ZBTB25: variants seen among roughly 807,000 people sequenced by gnomAD.
ZBTB25 encodes the protein zinc finger and BTB domain-containing protein 25.
ZBTB25 carries 20 observed loss-of-function variants against 34.2 expected under a neutral mutation model. The observed-to-expected ratio is 0.58, with a 90% confidence interval of 0.41 to 0.85. ZBTB25 has a LOEUF of 0.85. Among genes scored for constraint, ZBTB25 ranks in the 40% least tolerant of loss-of-function variants. ZBTB25 has a pLI of 0.00. For synonymous variants in ZBTB25, 175 were observed against 186.4 expected (o/e 0.94, Z 0.50); for missense variants, 437 against 521.8 (o/e 0.84, Z 1.58).
At chr14:64,465,511 T>G (rs1316572150) in intron 2 of ZBTB25, 1 of 151,996 alleles carries the variant, frequency 6.6e-6, no homozygotes, top group Non-Finnish European at 1.5e-5. Flanking sequence ...AGAGGGCGCC[T>G]TGCTCCGGGT....
chr14:64,478,887 T>C lies in ZBTB25; in HGVS notation c.*8036A>G, dbSNP rs2141011714. 6.6e-6 allele frequency: 1 copy of C among 152,300 alleles called. No homozygotes were observed. Among genetic ancestry groups the C allele is most frequent in the East Asian group, 1.9e-4 (1 of 5,190 alleles). The allele number at this position is 152,300 out of a possible 1,614,324, so 9.4% of individuals were successfully genotyped here. The stretch of plus-strand genomic sequence containing the variant: ...GCCACCTTTTGGCCAGATTAAAAAT[T>C]CACAGAAATTATAACCTACAATCTC... On this transcript the variant is annotated 3_prime_UTR_variant, in exon 3 of 3. Transcript: ENST00000608382.
intron 2 of ZBTB25, among the ~76,000 whole-genome samples, chr14:64,453,414 A>T (rs1001363174): frequency 1.3e-5 from 2 of 152,112 alleles, no homozygotes; most frequent in Non-Finnish European, 2.9e-5. Context: ...TCTACTAAAA[A>T]TACAGAATTA....
intron 2 of ZBTB25, among the ~76,000 whole-genome samples, chr14:64,455,912 G>A (rs1488669664): frequency 6.6e-6 from 1 of 152,232 alleles, no homozygotes; most frequent in Non-Finnish European, 1.5e-5. Context: ...GCTCTCTATA[G>A]AGAGCAGAAG....
chr14:64,450,849 A>C (rs953841449), intron 2 of ZBTB25, among the ~76,000 whole-genome samples: 1 of 152,126 alleles, frequency 6.6e-6, no homozygotes, highest in African/African-American at 2.4e-5. Flanking sequence ...GTGGGACCAC[A>C]GACATGTACT....
chr14:64,504,957 G>A, upstream of ZBTB25: 1 of 395,136 alleles, frequency 2.5e-6, no homozygotes, highest in African/African-American at 2.1e-5. Context: ...GTAAGTATTT[G>A]CCAGTTGTGG....
At chr14:64,504,730 C>A (rs2079610186), upstream of ZBTB25, 2 of 373,252 alleles carry the variant, frequency 5.4e-6, no homozygotes, top group Non-Finnish European at 9.5e-6. Context: ...CGGCTCAGTG[C>A]GGTGCGGCAG....
chr14:64,470,620 T>G (rs1040307981), intron 2 of ZBTB25: 3 of 164,140 alleles, frequency 1.8e-5, no homozygotes. Context: ...AGAGAACCAT[T>G]CACAAATCCT....
intron 2 of ZBTB25, chr14:64,468,403 C>T: frequency 6.2e-7 from 1 of 1,600,720 alleles, no homozygotes; most frequent in Non-Finnish European, 8.5e-7. Context: ...AAATGGAAAC[C>T]ACAATTTCAG....
At chr14:64,494,755 T>C (rs1596642278) in intron 1 of ZBTB25, among the ~76,000 whole-genome samples, 1 of 152,216 alleles carries the variant, frequency 6.6e-6, no homozygotes, top group Non-Finnish European at 1.5e-5. Flanking sequence ...CCTTTACATA[T>C]GAAAGAAACC....
In ZBTB25 at chr14:64,481,193, G is replaced by A. The variant is rs1220765963; in HGVS notation, c.*5730C>T. 6.6e-6 allele frequency: 1 copy of A among 152,370 alleles called. No individual in the cohort carries two copies. Among genetic ancestry groups the A allele is most frequent in the Non-Finnish European group, 1.5e-5 (1 of 68,230 alleles). 9.4% of individuals were successfully genotyped at this position (152,370 alleles called of 1,614,324 possible). A position where few individuals can be genotyped will look rare whatever the true frequency, so the allele number is the denominator to read the frequency against. ...GATCCGCCCACCTCGACCTCCCAAA[G>A]TGCTGGGATTACAGGCGTGAGCCAC... is the stretch of plus-strand genomic sequence containing the variant. On this transcript the variant is annotated 3_prime_UTR_variant, in exon 3 of 3. Coordinates refer to ENST00000608382, the MANE Select transcript of ZBTB25 (RefSeq NM_006977.5).
chr14:64,476,014 T>C (rs773139215), downstream of ZBTB25, among the ~76,000 whole-genome samples: 1 of 152,174 alleles, frequency 6.6e-6, no homozygotes, highest in Non-Finnish European at 1.5e-5. Flanking sequence ...GGCCTTCCAT[T>C]TCTGCACTCC....
intron 2 of ZBTB25, chr14:64,469,829 T>G: frequency 1.7e-6 from 1 of 597,046 alleles, no homozygotes; most frequent in Non-Finnish European, 2.8e-6. Flanking sequence ...AAAGATTAAG[T>G]CAAGTTTATA....
chr14:64,468,075 C>T, intron 2 of ZBTB25: 1 of 171,354 alleles, frequency 5.8e-6, no homozygotes, highest in Non-Finnish European at 1.2e-5. Flanking sequence ...AAATAGTCTC[C>T]ACAGAAAATA....
chr14:64,503,629 G>A (rs2079572870), intron 1 of ZBTB25, 32 bp downstream of exon 1: 1 of 985,268 alleles, frequency 1.0e-6, no homozygotes, highest in Non-Finnish European at 1.2e-6. Flanking sequence ...TGAGCCCGGG[G>A]CAGCCCACAG....
At chr14:64,460,204 C>A in intron 2 of ZBTB25, 1 of 358,734 alleles carries the variant, frequency 2.8e-6, no homozygotes, top group African/African-American at 2.0e-5. Context: ...AGGGGACCTC[C>A]TGAGAGGGTT....
At position 64,454,914 on chromosome 14, in the gene ZBTB25, A is replaced by C. The variant is rs370094944; in HGVS notation, c.174-5276T>G. 4 of 1,608,342 alleles carry C rather than the reference A, an allele frequency of 2.5e-6. No individual in the cohort carries two copies. The African/African-American group carries it at 4.0e-5, about 16-fold the overall frequency. Reference sequence around the variant, plus strand: ...GCAAGGGAGTAGTGGGCGCATCTGCACTTCTCGTCTGAAGTGTGTTGCCGA... The same window carrying C: ...GCAAGGGAGTAGTGGGCGCATCTGCCCTTCTCGTCTGAAGTGTGTTGCCGA... On this transcript the variant is annotated intron_variant, in intron 2 of 2. Coordinates refer to the ZBTB25 transcript ENST00000555220.
chr14:64,487,290 CG>C lies in ZBTB25; in HGVS notation c.940del (p.Arg314GlyfsTer14). On this transcript the variant is annotated frameshift_variant, in exon 3 of 3. Coordinates refer to ENST00000608382, the MANE Select transcript of ZBTB25 (RefSeq NM_006977.5). LOFTEE classifies it high-confidence loss of function. The stretch of plus-strand genomic sequence containing the variant: ...GATCTGCAAAGGCTCTGTGGTACCC[CG>C]GTTGGTGTGGTCTGGCTGCTGTTCA... ...ENEQQPDHTN[R>X]GTTEPLQISQ... 2 of 1,613,956 alleles carry C rather than the reference CG, an allele frequency of 1.2e-6. No homozygotes were observed. Among genetic ancestry groups the C allele is most frequent in the Non-Finnish European group, 1.7e-6 (2 of 1,180,000 alleles).
At chr14:64,469,431 A>G (rs2078644758) in intron 2 of ZBTB25, 1 of 1,613,100 alleles carries the variant, frequency 6.2e-7, no homozygotes, top group South Asian at 1.1e-5. Context: ...ACAGACACTG[A>G]AATCAGTGAA....
intron 2 of ZBTB25, chr14:64,469,832 A>G (rs2078649436): frequency 1.7e-6 from 1 of 589,636 alleles, no homozygotes; most frequent in Non-Finnish European, 2.9e-6. Context: ...GATTAAGTCA[A>G]GTTTATAAAA....
Sources: gnomAD v4.1 joint callset for allele counts (sites outside exome capture counted in the v4.1 genomes callset) on GRCh38, gnomAD v4.1.1 for gene constraint, MANE v1.5 for transcripts, NCBI Gene and HGNC (gene_info 2026-07-23, HGNC 2026-07-21) for gene names.